The following PJA2 variants were observed in gnomAD, a reference collection of about 807,000 sequenced individuals.
The protein encoded by PJA2 is praja ring finger ubiquitin ligase 2, also known as E3 ubiquitin-protein ligase Praja-2.
A neutral mutation model predicts 69.3 loss-of-function variants in PJA2; 25 were observed. The observed-to-expected ratio is 0.36, with a 90% CI of 0.26 to 0.50. PJA2 has a LOEUF of 0.50. Among genes scored for constraint, PJA2 ranks in the 20% least tolerant of loss-of-function variants. The pLI, the probability that PJA2 is intolerant of heterozygous loss-of-function variation, is 0.96. For synonymous variants in PJA2, 308 were observed against 277.8 expected (o/e 1.11, Z -1.08); for missense variants, 809 against 830.2 (o/e 0.97, Z 0.31).
At position 109,346,904 on chromosome 5, in the gene PJA2, T is replaced by C. The variant is rs1762179525; in HGVS notation, c.1765-2085A>G. ...AAATGAACAAGCCAGGTTTCCCATA[T>C]AGAAGAAGAATTCTGCCTGATAGCT... On this transcript the variant is annotated intron_variant, in intron 7 of 9. Coordinates refer to ENST00000361189, the MANE Select transcript of PJA2 (RefSeq NM_014819.5). Among the ~76,000 whole-genome samples the C allele has an allele frequency of 2.0e-5, 3 of 152,230 alleles. 1 individual carries two copies. Among genetic ancestry groups the C allele is most frequent in the African/African-American group, 4.8e-5 (2 of 41,464 alleles).
rs541958023 is a variant in PJA2, at chr5:109,396,144, T to C, written c.-87-12624A>G. ...ATTACAGCAATATATTTGAAAACAG[T>C]ATATACTGAGTCTACTGCAAAAGAC... On this transcript the variant is annotated intron_variant, in intron 1 of 9. Transcript: ENST00000361189. Among the ~76,000 whole-genome samples the C allele has an allele frequency of 2.0e-5, 3 of 152,250 alleles. No individual in the cohort carries two copies. In the East Asian group the frequency reaches 5.8e-4, roughly 29 times the overall value.
chr5:109,357,376 G>A (rs564830267), intron 6 of PJA2, among the ~76,000 whole-genome samples: 1 of 152,218 alleles, frequency 6.6e-6, no homozygotes, highest in East Asian at 1.9e-4. Flanking sequence ...ACACAGAAAT[G>A]GTTCTTGAAA....
At chr5:109,400,916 G>A (rs1747530022) in intron 1 of PJA2, among the ~76,000 whole-genome samples, 1 of 152,194 alleles carries the variant, frequency 6.6e-6, no homozygotes, top group Non-Finnish European at 1.5e-5. Context: ...CTGGGAGGCA[G>A]AGCTTGCAGT....
intron 5 of PJA2, among the ~76,000 whole-genome samples, chr5:109,368,223 C>T (rs1198185523): frequency 6.6e-6 from 1 of 152,200 alleles, no homozygotes; most frequent in Non-Finnish European, 1.5e-5. Flanking sequence ...GAATGAATCA[C>T]TGATTTCCCT....
intron 7 of PJA2, among the ~76,000 whole-genome samples, chr5:109,352,572 G>T (rs1365467251): frequency 6.6e-6 from 1 of 152,078 alleles, no homozygotes; most frequent in East Asian, 1.9e-4. Flanking sequence ...CCTATCTCAT[G>T]ATGTTCTTTC....
chr5:109,350,051 T>C (rs1762224768), intron 7 of PJA2, among the ~76,000 whole-genome samples: 1 of 152,208 alleles, frequency 6.6e-6, no homozygotes, highest in East Asian at 1.9e-4. Context: ...AACTTTCATT[T>C]GGGGAGGTTA....
intron 1 of PJA2, among the ~76,000 whole-genome samples, chr5:109,389,627 T>C (rs1747237098): frequency 6.6e-6 from 1 of 151,986 alleles, no homozygotes; most frequent in South Asian, 2.1e-4. Context: ...TCTACTTTTA[T>C]ACTATTTCCT....
In PJA2 at chr5:109,336,522, C is replaced by A. The variant is rs1278004490; in HGVS notation, c.*709G>T. The A allele has an allele frequency of 2.0e-5, 3 of 151,808 alleles. No individual in the cohort carries two copies. The highest frequency in any genetic ancestry group is 7.3e-5 in the African/African-American group (3 of 41,304). The allele number at this position is 151,808 out of a possible 1,614,324, so 9.4% of individuals were successfully genotyped here. On this transcript the variant is annotated 3_prime_UTR_variant, in exon 10 of 10. Transcript: ENST00000361189. ...GGCCATCTAATTCAGCTCATTGTAC[C>A]AAGCCCTGAGCACACTAGATTCTTT...
At chr5:109,377,993 TAAACTACTAA>T (rs796590140) in intron 4 of PJA2, among the ~76,000 whole-genome samples, 14 of 152,356 alleles carry the variant, frequency 9.2e-5, no homozygotes, top group African/African-American at 3.4e-4. Flanking sequence ...CTTACTTCTG[TAAACTACTAA>T]AAACCTCAAA....
At chr5:109,355,555 G>C (rs1368558065) in intron 7 of PJA2, among the ~76,000 whole-genome samples, 1 of 152,164 alleles carries the variant, frequency 6.6e-6, no homozygotes, top group African/African-American at 2.4e-5. Context: ...GAAAAAAAGA[G>C]ATTTGTAATA....
At chr5:109,372,392 T>A (rs1191828957) in intron 4 of PJA2, among the ~76,000 whole-genome samples, 2 of 152,202 alleles carry the variant, frequency 1.3e-5, no homozygotes, top group Admixed American at 1.3e-4. Context: ...CAAACACAGA[T>A]CAGACTCTAT....
chr5:109,356,930 A>G (rs565079318), intron 6 of PJA2, among the ~76,000 whole-genome samples: 1 of 152,270 alleles, frequency 6.6e-6, no homozygotes, highest in Non-Finnish European at 1.5e-5. Context: ...CCCTGAACAT[A>G]TCGAGATTCC....
intron 7 of PJA2, among the ~76,000 whole-genome samples, chr5:109,349,939 G>A (rs1454536112): frequency 6.6e-6 from 1 of 152,074 alleles, no homozygotes; most frequent in Non-Finnish European, 1.5e-5. Context: ...CTATAATTAT[G>A]AATCTCCTCC....
intron 6 of PJA2, among the ~76,000 whole-genome samples, chr5:109,362,068 A>G (rs1191543925): frequency 1.3e-5 from 2 of 152,226 alleles, no homozygotes; most frequent in African/African-American, 2.4e-5. Context: ...AACTGGAAAA[A>G]CAACACAAAT....
chr5:109,342,116 G>A lies in PJA2; in HGVS notation c.2001+2074C>T, dbSNP rs1189184881. 1.9e-4 allele frequency among the ~76,000 whole-genome samples: 24 copies of A among 124,408 alleles called. No homozygotes were observed. The East Asian group carries it at 3.1e-3, about 16-fold the overall frequency. The allele number at this position is 124,408 out of a possible 152,430, so 81.6% of individuals were successfully genotyped here. Reference sequence around the variant, plus strand: ...AGGGAGGTGGGGATGTCGGCCCCCCGCCCGGCCAGCCGCCCCGTCCGGGAG... The same window carrying A: ...AGGGAGGTGGGGATGTCGGCCCCCCACCCGGCCAGCCGCCCCGTCCGGGAG... On this transcript the variant is annotated intron_variant, in intron 9 of 9. Transcript: ENST00000361189.
chr5:109,348,918 C>T (rs1444671967), intron 7 of PJA2, among the ~76,000 whole-genome samples: 1 of 152,046 alleles, frequency 6.6e-6, no homozygotes, highest in Non-Finnish European at 1.5e-5. Flanking sequence ...GTTTACTTTT[C>T]CTCTTTCCCA....
chr5:109,374,219 T>TA (rs1168277043), intron 4 of PJA2, among the ~76,000 whole-genome samples: 1 of 152,236 alleles, frequency 6.6e-6, no homozygotes, highest in Non-Finnish European at 1.5e-5. Context: ...TATCAGGTTA[T>TA]TGTAATCCCA....
intron 4 of PJA2, among the ~76,000 whole-genome samples, 190 bp from the exon 5 acceptor site, chr5:109,368,936 T>C (rs1209841327): frequency 6.6e-6 from 1 of 152,094 alleles, no homozygotes; most frequent in East Asian, 1.9e-4. Flanking sequence ...CATAAGAGTT[T>C]AGCATTATCC....
chr5:109,396,929 A>G (rs901655407), intron 1 of PJA2, among the ~76,000 whole-genome samples: 6 of 152,178 alleles, frequency 3.9e-5, no homozygotes, highest in African/African-American at 1.4e-4. Flanking sequence ...ATTTAGTGAT[A>G]TTGTCAGTGC....
Sources: gnomAD v4.1 joint callset for allele counts (sites outside exome capture counted in the v4.1 genomes callset) on GRCh38, gnomAD v4.1.1 for gene constraint, MANE v1.5 for transcripts, NCBI Gene and HGNC (gene_info 2026-07-23, HGNC 2026-07-21) for gene names.